The following COPA variants were observed in gnomAD, a reference collection of about 807,000 sequenced individuals.
COPA encodes coatomer subunit alpha.
COPA carries 10 observed loss-of-function variants against 158.7 expected under a neutral mutation model. The ratio of observed to expected loss-of-function variants is 0.06; its 90% CI spans 0.04 to 0.11. COPA has a LOEUF of 0.11. Ranked by LOEUF, COPA falls within the 10% of genes least tolerant of loss-of-function variation. The pLI is 1.00. For missense variants in COPA, 1,065 were observed against 1,536.7 expected, an observed-to-expected ratio of 0.69 and a Z score of 5.13; for synonymous variants, 462 against 542.8, an observed-to-expected ratio of 0.85 and a Z score of 2.07.
intron 27 of COPA, 145 bp from the exon 28 acceptor site, chr1:160,292,765 C>T: frequency 4.7e-6 from 3 of 645,110 alleles, no homozygotes; most frequent in Non-Finnish European, 7.9e-6. Flanking sequence ...TTAATGATAC[C>T]TATTAAAGTA....
intron 9 of COPA, 21 bp from the exon 10 acceptor site, chr1:160,313,188 G>C (rs1659023292): frequency 1.2e-6 from 2 of 1,604,750 alleles, no homozygotes; most frequent in Non-Finnish European, 1.7e-6. Context: ...TACACAAAAA[G>C]AAAAACATTA....
At chr1:160,332,624 C>T (rs1174297079) in intron 5 of COPA, 67 bp from the exon 6 acceptor site, 18 of 1,088,298 alleles carry the variant, frequency 1.7e-5, no homozygotes, top group Non-Finnish European at 2.4e-5. Context: ...AACTAAATAC[C>T]TTTCTCCATA....
rs1465029263 is a variant in COPA at position 160,311,872 on chromosome 1, G to A, written c.1072C>T (p.Arg358Trp). 4.3e-6 allele frequency: 7 copies of A among 1,611,340 alleles called. No homozygotes were observed. Among genetic ancestry groups the A allele is most frequent in the East Asian group, 2.2e-5 (1 of 44,870 alleles). The change falls in exon 11 of 33, where the codon CGG (arginine) becomes TGG (tryptophan). Residue 358 changes from arginine to tryptophan, a missense_variant. By Grantham distance (101) the Arg-to-Trp change is moderately radical. This residue lies in a region of COPA where 980 missense variants were observed against 1,357.8 expected (regional missense o/e 0.72). Coordinates refer to ENST00000241704, the MANE Select transcript of COPA (RefSeq NM_004371.4). ...AAAGAAACAAGTCCGATTTACCTCC[G>A]CAACTGCATCACAGCTACATCTTTG... Reference protein sequence around the residue: ...SSKDVAVMQLRSGSKFPVFNM... With the variant: ...SSKDVAVMQLWSGSKFPVFNM...
At chr1:160,305,907 A>T in intron 15 of COPA, 134 bp from the exon 16 acceptor site, 3 of 753,918 alleles carry the variant, frequency 4.0e-6, no homozygotes, top group Non-Finnish European at 6.7e-6. Flanking sequence ...TAAAATACTT[A>T]ATGTAATTCC....
chr1:160,328,471 G>A (rs1307877602), intron 6 of COPA, among the ~76,000 whole-genome samples: 4 of 152,144 alleles, frequency 2.6e-5, no homozygotes, highest in Admixed American at 6.6e-5. Flanking sequence ...AGGACTGAAC[G>A]ACAGATGGAA....
rs548716419 is a variant in COPA, at chr1:160,336,542, T to C, written c.229-1220A>G. Among the ~76,000 whole-genome samples, 4 of 152,122 alleles carry C rather than the reference T, an allele frequency of 2.6e-5. No individual in the cohort carries two copies. In the South Asian group the frequency reaches 6.2e-4, roughly 24 times the overall value. On this transcript the variant is annotated intron_variant, in intron 3 of 32. Transcript: ENST00000241704. The stretch of plus-strand genomic sequence containing the variant: ...GCCTGAGCTAAGCAGAGAAACAATA[T>C]CATATTCAGATGTGAAGTTGAGTCA...
At chr1:160,328,224 T>C (rs1647349449) in intron 6 of COPA, among the ~76,000 whole-genome samples, 1 of 152,230 alleles carries the variant, frequency 6.6e-6, no homozygotes, top group Non-Finnish European at 1.5e-5. Context: ...ACGAGTCTGG[T>C]ATATGAAACA....
intron 25 of COPA, 66 bp from the exon 26 acceptor site, chr1:160,293,529 C>CT: frequency 7.9e-7 from 1 of 1,263,974 alleles, no homozygotes; most frequent in Non-Finnish European, 1.1e-6. Flanking sequence ...GGGTCACACT[C>CT]TGTCACCTAG....
chr1:160,327,836 C>G (rs934505957), intron 6 of COPA, among the ~76,000 whole-genome samples: 4 of 152,146 alleles, frequency 2.6e-5, no homozygotes, highest in African/African-American at 9.7e-5. Context: ...CCAGCCTGGG[C>G]AACAGAGTGA....
intron 17 of COPA, among the ~76,000 whole-genome samples, chr1:160,304,353 T>C (rs910300671): frequency 2.0e-5 from 3 of 150,216 alleles, no homozygotes; most frequent in African/African-American, 7.3e-5. Flanking sequence ...GGCATGCAAA[T>C]TGGTACAATC....
Position 160,296,064 on chromosome 1 carries a change from C to G in COPA, c.2349G>C (p.Glu783Asp), listed in dbSNP as rs1658401288. The G allele has an allele frequency of 6.2e-7, 1 of 1,613,830 alleles. No homozygotes were observed. Among genetic ancestry groups the G allele is most frequent in the Non-Finnish European group, 8.5e-7 (1 of 1,179,752 alleles). ...SLKETFDPEK[E>D]TIPDIDPNAK... ...AATTATGTAAATAAAGACTCACTGTCTCCTTCTCTGGGTCAAATGTCTCCT... is the reference window on the plus strand; with the variant it reads ...AATTATGTAAATAAAGACTCACTGTGTCCTTCTCTGGGTCAAATGTCTCCT... The change falls in exon 22 of 33, where the codon GAG becomes GAC. Residue 783 changes from glutamate to aspartate, a missense_variant. Physicochemically the swap from Glu to Asp is conservative, Grantham distance 45. Coordinates refer to ENST00000241704, the MANE Select transcript of COPA (RefSeq NM_004371.4).
Position 160,323,411 on chromosome 1 carries a change from A to C in COPA, c.706+20T>G, listed in dbSNP as rs1470146622. 2 of 1,578,252 alleles carry C rather than the reference A, an allele frequency of 1.3e-6. No homozygotes were observed. Among genetic ancestry groups the C allele is most frequent in the East Asian group, 4.6e-5 (2 of 43,524 alleles). ...CTGGCAGTTTCTTAGATATGGCGAT[A>C]ATGTAACCGGTTCACTCACCATTCA... On this transcript the variant is annotated intron_variant, in intron 8 of 32. Coordinates refer to ENST00000241704, the MANE Select transcript of COPA (RefSeq NM_004371.4).
rs1483173224 is a variant in COPA at position 160,339,939 on chromosome 1, G to A, written c.198C>T (p.Phe66=). 2.5e-6 allele frequency: 4 copies of A among 1,613,904 alleles called. No homozygotes were observed. The highest frequency in any genetic ancestry group is 1.7e-5 in the Admixed American group (1 of 59,990). ...GIDFHKQQPL[F]VSGGDDYKIK... ...TCTTATAGTCATCTCCTCCAGAGAC[G>A]AACAGTGGCTGCTGCTTATGGAAGT... The change falls in exon 3 of 33, where the codon TTC becomes TTT. Residue 66 remains phenylalanine, a synonymous_variant. Coordinates refer to ENST00000241704, the MANE Select transcript of COPA (RefSeq NM_004371.4).
intron 27 of COPA, 40 bp from the exon 28 acceptor site, chr1:160,292,660 G>T: frequency 2.0e-6 from 3 of 1,515,186 alleles, no homozygotes; most frequent in Admixed American, 2.2e-5. Flanking sequence ...TGGCCCTGCT[G>T]CATAAAAAGC....
chr1:160,309,335 A>G (rs899994027), intron 12 of COPA, among the ~76,000 whole-genome samples, 159 bp from the exon 13 acceptor site: 1 of 152,218 alleles, frequency 6.6e-6, no homozygotes, highest in Non-Finnish European at 1.5e-5. Context: ...CTGTTTCTAC[A>G]TCTATGAGTT....
Position 160,292,505 on chromosome 1 carries a change from T to C in COPA, c.2939A>G (p.Tyr980Cys), listed in dbSNP as rs138364965. The C allele has an allele frequency of 4.3e-6, 7 of 1,613,600 alleles. No homozygotes were observed. In the African/African-American group the frequency reaches 8.0e-5, roughly 18 times the overall value. Residue 980 changes from tyrosine (Y) to cysteine (C), a missense_variant, in exon 28 of 33, where the codon TAT (tyrosine) becomes TGT (cysteine). Transcript: ENST00000241704. ...TTACCAGTTGCGATTAGGATAGCCATACATGGAGGGTAGGCAGGGCAGAGC... is the reference window on the plus strand; with the variant it reads ...TTACCAGTTGCGATTAGGATAGCCACACATGGAGGGTAGGCAGGGCAGAGC... ...YQALPCLPSM[Y>C]GYPNRNWKDA... is the part of the protein sequence containing the mutation.
chr1:160,318,492 C>CAAAA (rs1184111001), intron 8 of COPA, among the ~76,000 whole-genome samples: 2 of 58,078 alleles, frequency 3.4e-5, no homozygotes, highest in Non-Finnish European at 5.7e-5. Flanking sequence ...AAAAAAAAAA[C>CAAAA]AAAAAAAAAA....
In COPA at chr1:160,293,161, C is replaced by CT; in HGVS notation, c.2823+4dup. On this transcript the variant is annotated splice_donor_region_variant and intron_variant, in intron 27 of 32. Transcript: ENST00000241704. ...CACTCAAGAGGAAAAGCCAAGGTTA[C>CT]TTACCCGCATGGCTGTTTCGAAAGA... 1 of 1,614,142 alleles carries CT rather than the reference C, an allele frequency of 6.2e-7. No individual in the cohort carries two copies. The highest frequency in any genetic ancestry group is 8.5e-7 in the Non-Finnish European group (1 of 1,180,008).
At position 160,313,170 on chromosome 1, in the gene COPA, A is replaced by C; in HGVS notation, c.843-3T>G. ...TGCGGAAAGTCTGAACCCCAGTCCT[A>C]GAAAAGGTACACAAAAAGAAAAACA... On this transcript the variant is annotated splice_region_variant and splice_polypyrimidine_tract_variant and intron_variant, in intron 9 of 32. Transcript: ENST00000241704. The C allele has an allele frequency of 6.2e-7, 1 of 1,613,698 alleles. No individual in the cohort carries two copies. The highest frequency in any genetic ancestry group is 1.1e-5 in the South Asian group (1 of 91,060).
Sources: allele counts gnomAD v4.1 joint callset (sites outside exome capture counted in the v4.1 genomes callset), GRCh38; gene constraint gnomAD v4.1.1; regional missense constraint gnomAD v4.1.1; transcripts MANE v1.5; gene names NCBI Gene and HGNC (gene_info 2026-07-23, HGNC 2026-07-21).